The following MAP3K20 variants were observed in gnomAD, a reference collection of about 807,000 sequenced individuals.
MAP3K20 encodes the protein HCCS-4.
In MAP3K20, 40 loss-of-function variants were observed where a neutral mutation model predicts 85.7. The observed-to-expected ratio is 0.47, with a 90% CI of 0.36 to 0.61. The LOEUF is 0.61. MAP3K20 is among the 20% of genes least tolerant of loss of function. The probability of loss-of-function intolerance (pLI) is 0.00; values close to 1 mark genes in which losing one functional copy is unlikely to be tolerated. For missense variants in MAP3K20, 817 were observed against 961.7 expected (o/e 0.85, Z 1.99); for synonymous variants, 325 against 327.7 (o/e 0.99, Z 0.09).
intron 17 of MAP3K20, among the ~76,000 whole-genome samples, chr2:173,260,262 A>G (rs1196741930): frequency 1.3e-5 from 2 of 152,064 alleles, no homozygotes; most frequent in African/African-American, 4.8e-5. Flanking sequence ...CAGCTACTTG[A>G]GAGGCTCAGC....
intron 2 of MAP3K20, among the ~76,000 whole-genome samples, chr2:173,165,163 CT>C (rs1308039247): frequency 6.6e-6 from 1 of 151,850 alleles, no homozygotes; most frequent in Admixed American, 6.6e-5. Flanking sequence ...AAAATTGGCA[CT>C]TTGGGAGGCC....
At chr2:173,123,082 A>C (rs1267574586) in intron 2 of MAP3K20, among the ~76,000 whole-genome samples, 1 of 152,158 alleles carries the variant, frequency 6.6e-6, no homozygotes, top group African/African-American at 2.4e-5. Context: ...ACACATGATA[A>C]ATCCACTACA....
At position 173,228,638 on chromosome 2, in the gene MAP3K20, C is replaced by T. The variant is rs983521352; in HGVS notation, c.988-1051C>T. Among the ~76,000 whole-genome samples, 3 of 152,122 alleles carry T rather than the reference C, an allele frequency of 2.0e-5. No individual in the cohort carries two copies. The South Asian group carries it at 6.2e-4, about 32-fold the overall frequency. On this transcript the variant is annotated intron_variant, in intron 11 of 19. Transcript: ENST00000375213. The stretch of plus-strand genomic sequence containing the variant: ...CCGAGATTCAGGTGACCTTGGAATC[C>T]CCCAGGTATAATTTATAACTGTATT...
At chr2:173,169,767 GA>G (rs1689946505) in intron 2 of MAP3K20, 37 bp from the exon 3 acceptor site, 6 of 1,580,320 alleles carry the variant, frequency 3.8e-6, no homozygotes, top group Non-Finnish European at 5.2e-6. Flanking sequence ...TTATAAATGT[GA>G]AATGTTATGC....
intron 8 of MAP3K20, among the ~76,000 whole-genome samples, chr2:173,199,673 TTTTTCA>T (rs1259618234): frequency 4.7e-5 from 7 of 148,036 alleles, no homozygotes; most frequent in Admixed American, 3.3e-4. Flanking sequence ...TTTTTTTTTT[TTTTTCA>T]TTTTGTTTTG....
At chr2:173,090,920 A>G in intron 1 of MAP3K20, 78 bp from the exon 2 acceptor site, 1 of 1,455,538 alleles carries the variant, frequency 6.9e-7, no homozygotes, top group African/African-American at 1.4e-5. Context: ...CGTTCATGAT[A>G]TATTATCTAA....
intron 7 of MAP3K20, among the ~76,000 whole-genome samples, chr2:173,192,439 T>C (rs1690685230): frequency 1.3e-5 from 2 of 152,316 alleles, no homozygotes; most frequent in South Asian, 4.1e-4. Flanking sequence ...GAATGAAATA[T>C]GTTTTTGACC....
intron 16 of MAP3K20, among the ~76,000 whole-genome samples, chr2:173,252,949 G>A (rs1219561172): frequency 1.3e-5 from 2 of 152,210 alleles, no homozygotes; most frequent in Admixed American, 6.5e-5. Flanking sequence ...AAGAAGATAC[G>A]AATTTATTCC....
intron 7 of MAP3K20, 111 bp from the exon 8 acceptor site, chr2:173,197,915 G>T: frequency 1.3e-6 from 1 of 780,586 alleles, no homozygotes; most frequent in Non-Finnish European, 1.9e-6. Flanking sequence ...TACAGTTGGG[G>T]TTGGTTGTGT....
intron 2 of MAP3K20, among the ~76,000 whole-genome samples, chr2:173,093,594 T>C (rs1027410617): frequency 6.6e-6 from 1 of 152,196 alleles, no homozygotes; most frequent in African/African-American, 2.4e-5. Flanking sequence ...AGACTGTATT[T>C]ACTTAAAATC....
chr2:173,095,971 A>G (rs976575165), intron 2 of MAP3K20, among the ~76,000 whole-genome samples: 2 of 152,226 alleles, frequency 1.3e-5, no homozygotes, highest in East Asian at 1.9e-4. Context: ...AAAATTTCAA[A>G]CATAAAGAAA....
At chr2:173,181,853 A>G (rs1038536587) in intron 3 of MAP3K20, among the ~76,000 whole-genome samples, 1 of 148,036 alleles carries the variant, frequency 6.8e-6, no homozygotes, top group Non-Finnish European at 1.5e-5. Context: ...GTTTGAGATT[A>G]CCCTAAGCAA....
chr2:173,137,568 C>T (rs1482935589), intron 2 of MAP3K20, among the ~76,000 whole-genome samples: 2 of 151,696 alleles, frequency 1.3e-5, no homozygotes, highest in Non-Finnish European at 2.9e-5. Flanking sequence ...AAGAAGTGTG[C>T]ATGTTTTATT....
chr2:173,232,272 G>T (rs1396455664), intron 13 of MAP3K20, 48 bp from the exon 14 acceptor site: 1 of 1,614,022 alleles, frequency 6.2e-7, no homozygotes, highest in South Asian at 1.1e-5. Context: ...CTTTGTTTTG[G>T]ATGTGATTTC....
chr2:173,088,387 C>T (rs1302813667), intron 1 of MAP3K20, among the ~76,000 whole-genome samples: 1 of 152,126 alleles, frequency 6.6e-6, no homozygotes, highest in Non-Finnish European at 1.5e-5. Context: ...TGCTTGCATG[C>T]ATGGAGGTAG....
Position 173,090,013 on chromosome 2 carries a change from T to TTTA in MAP3K20, c.-34-985_-34-984insTTA, listed in dbSNP as rs146551710. On this transcript the variant is annotated intron_variant, in intron 1 of 19. Transcript: ENST00000375213. ...TGTCCTAGAAATATAGATTTGTCCC[T>TTTA]CTTAAGGTTTTGGTTTATACTTTTT... Among the ~76,000 whole-genome samples the TTTA allele has an allele frequency of 2.2e-3, 337 of 152,352 alleles. 1 individual carries two copies. Among genetic ancestry groups the TTTA allele is most frequent in the African/African-American group, 7.5e-3 (313 of 41,580 alleles).
intron 11 of MAP3K20, chr2:173,224,210 C>T (rs1684326519): frequency 1.0e-6 from 1 of 968,960 alleles, no homozygotes; most frequent in Non-Finnish European, 1.2e-6. Flanking sequence ...AGGAAAGGCC[C>T]CACTGATAAG....
intron 2 of MAP3K20, among the ~76,000 whole-genome samples, chr2:173,149,808 A>C (rs913357832): frequency 6.6e-6 from 1 of 152,226 alleles, no homozygotes; most frequent in Non-Finnish European, 1.5e-5. Context: ...ATTGCCATTC[A>C]TTCTCACTAC....
chr2:173,128,399 G>A (rs1688510210), intron 2 of MAP3K20, among the ~76,000 whole-genome samples: 1 of 151,888 alleles, frequency 6.6e-6, no homozygotes, highest in African/African-American at 2.4e-5. Flanking sequence ...GTGGCATGAT[G>A]TCGGCTCACT....
Sources: gnomAD v4.1 joint callset for allele counts (sites outside exome capture counted in the v4.1 genomes callset) on GRCh38, gnomAD v4.1.1 for gene constraint, MANE v1.5 for transcripts, NCBI Gene and HGNC (gene_info 2026-07-23, HGNC 2026-07-21) for gene names.